ADGRE3: variants seen among roughly 807,000 people sequenced by gnomAD.
ADGRE3 encodes the protein EGF-like module receptor 3.
ADGRE3 carries 88 observed loss-of-function variants against 80.1 expected under a neutral mutation model. That is an observed-to-expected ratio of 1.10 (90% CI 0.93 to 1.31). The LOEUF (loss-of-function observed/expected upper bound fraction) is 1.31. ADGRE3 is among the 40% of genes most tolerant of loss of function. ADGRE3 has a pLI of 0.00. For synonymous variants in ADGRE3, 281 were observed against 294.8 expected, an observed-to-expected ratio of 0.95 and a Z score of 0.48; for missense variants, 715 against 776.5, an observed-to-expected ratio of 0.92 and a Z score of 0.94.
chr19:14,672,761 C>A (rs1484937979), intron 1 of ADGRE3, among the ~76,000 whole-genome samples: 1 of 152,082 alleles, frequency 6.6e-6, no homozygotes, highest in African/African-American at 2.4e-5. Flanking sequence ...AGGTGTGTGC[C>A]ACCATGACTG....
chr19:14,653,781 G>A (rs915893853), intron 6 of ADGRE3, among the ~76,000 whole-genome samples: 4 of 151,960 alleles, frequency 2.6e-5, no homozygotes, highest in African/African-American at 9.7e-5. Flanking sequence ...AGCCCAATGA[G>A]GTGAGGGCAC....
At position 14,641,488 on chromosome 19, in the gene ADGRE3, C is replaced by A. The variant is rs1176579234; in HGVS notation, c.1179G>T (p.Leu393=). ...AIRNTSTSLH[L]QLSLCLFLAH... is the part of the protein sequence containing the mutation. ...CCAGGAAGAGGCAGAGCGAGAGCTG[C>A]AGATGCAGTGAGGTGCTGGTGTTCC... is the stretch of plus-strand genomic sequence containing the variant. Residue 393 remains leucine, a synonymous_variant, in exon 10 of 16, where the codon CTG becomes CTT. Transcript: ENST00000253673. 4.3e-6 allele frequency: 7 copies of A among 1,613,788 alleles called. No individual in the cohort carries two copies. In the East Asian group the frequency reaches 1.6e-4, roughly 36 times the overall value.
At chr19:14,621,227 C>T (rs905813205) in intron 15 of ADGRE3, among the ~76,000 whole-genome samples, 20 of 151,860 alleles carry the variant, frequency 1.3e-4, no homozygotes, top group African/African-American at 4.6e-4. Flanking sequence ...CTGAGGCGGG[C>T]GGATCACTTG....
At position 14,663,451 on chromosome 19, in the gene ADGRE3, T is replaced by G; in HGVS notation, c.166A>C (p.Lys56Gln). The change falls in exon 3 of 16, where the codon AAA (lysine) becomes CAA (glutamine). Residue 56 changes from lysine to glutamine, a missense_variant. Transcript: ENST00000253673. ...GTCTCCAAGGGGAATGTGAATAGTT[T>G]CTGCCCAGATCCAGAAGTATATCCA... is the stretch of plus-strand genomic sequence containing the variant. ...NHGYTSGSGQ[K>Q]LFTFPLETCN... The G allele has an allele frequency of 6.2e-7, 1 of 1,612,730 alleles. No homozygotes were observed. The highest frequency in any genetic ancestry group is 1.1e-5 in the South Asian group (1 of 91,042).
downstream of ADGRE3, among the ~76,000 whole-genome samples, chr19:14,617,374 C>CTTTCTTTCTTTCTTTCTTTCT (rs755354639): frequency 1.0e-5 from 1 of 95,702 alleles, no homozygotes; most frequent in Admixed American, 1.3e-4. Flanking sequence ...TTCTTTCTTT[C>CTTTCTTTCTTTCTTTCTTTCT]TTCCTTTCTT....
intron 15 of ADGRE3, 133 bp downstream of exon 15, chr19:14,625,359 C>A: frequency 4.6e-6 from 3 of 650,730 alleles, no homozygotes; most frequent in Non-Finnish European, 8.3e-6. Flanking sequence ...TGTAACAAAC[C>A]TGCACATGTA....
chr19:14,647,415 T>A, intron 7 of ADGRE3, 50 bp from the exon 8 acceptor site: 1 of 1,194,668 alleles, frequency 8.4e-7, no homozygotes, highest in Non-Finnish European at 1.1e-6. Context: ...TCTTTCTTTT[T>A]TTTTTTTTTT....
chr19:14,607,455 G>C, the ADGRE3 span, among the ~76,000 whole-genome samples: 20 of 151,880 alleles, frequency 1.3e-4, no homozygotes, highest in Middle Eastern at 6.8e-3. Context: ...TGCCCGCCTT[G>C]GCCTCCCAAA....
At chr19:14,621,414 C>G (rs1271654784) in intron 15 of ADGRE3, among the ~76,000 whole-genome samples, 1 of 151,550 alleles carries the variant, frequency 6.6e-6, no homozygotes, top group Non-Finnish European at 1.5e-5. Context: ...GAGATTGCAC[C>G]ACTGTATTCT....
chr19:14,651,138 T>G lies in ADGRE3; in HGVS notation c.644A>C (p.Gln215Pro). 1 of 1,614,154 alleles carries G rather than the reference T, an allele frequency of 6.2e-7. No individual in the cohort carries two copies. Among genetic ancestry groups the G allele is most frequent in the South Asian group, 1.1e-5 (1 of 91,092 alleles). The change falls in exon 7 of 16, where the codon CAA becomes CCA. Residue 215 changes from glutamine to proline, a missense_variant. By Grantham distance (76) the Gln-to-Pro change is moderately conservative (BLOSUM62 -1). Transcript: ENST00000253673. ...GCAACGGATGTCCATTGAGTTCATT[T>G]GGACGTTCAAGTTGAATGTCTTTCT... is the stretch of plus-strand genomic sequence containing the variant. ...EERKTFNLNV[Q>P]MNSMDIRCSD...
intron 12 of ADGRE3, 30 bp from the exon 13 acceptor site, chr19:14,633,042 G>A (rs1239944282): frequency 1.3e-6 from 2 of 1,536,996 alleles, no homozygotes; most frequent in African/African-American, 1.4e-5. Flanking sequence ...AAGGCAGAGT[G>A]CAAGTTAAAG....
intron 8 of ADGRE3, among the ~76,000 whole-genome samples, chr19:14,646,749 T>G (rs1971419307): frequency 6.7e-6 from 1 of 149,158 alleles, no homozygotes. Flanking sequence ...TTTGTTTCTT[T>G]GTTTCTTTTC....
chr19:14,638,854 T>A (rs1420780911), intron 10 of ADGRE3, among the ~76,000 whole-genome samples: 1 of 152,206 alleles, frequency 6.6e-6, no homozygotes, highest in Non-Finnish European at 1.5e-5. Flanking sequence ...GCGTGGTGAC[T>A]ATAGTTAATA....
chr19:14,667,344 GTTT>G (rs141442018), intron 2 of ADGRE3, among the ~76,000 whole-genome samples: 206 of 139,632 alleles, frequency 1.5e-3, no homozygotes, highest in African/African-American at 5.1e-3. Flanking sequence ...CTTCTTTTCT[GTTT>G]TTTTTTTTTT....
At chr19:14,620,471 T>TGAATA (rs1455799921) in intron 15 of ADGRE3, among the ~76,000 whole-genome samples, 1 of 121,160 alleles carries the variant, frequency 8.3e-6, no homozygotes, top group African/African-American at 3.2e-5. Context: ...TATGAATATA[T>TGAATA]TATGAGTACA....
rs555516132 is a variant in ADGRE3, at chr19:14,662,574, C to T, written c.200-456G>A. On this transcript the variant is annotated intron_variant, in intron 3 of 15. Coordinates refer to ENST00000253673, the MANE Select transcript of ADGRE3 (RefSeq NM_032571.5). ...CTGATTTTTGTATTTTTAGTAGACA[C>T]GGGGTTTCACTATGTTGGCCAGGCT... Among the ~76,000 whole-genome samples, 5 of 152,054 alleles carry T rather than the reference C, an allele frequency of 3.3e-5. No individual in the cohort carries two copies. In the South Asian group the frequency reaches 6.2e-4, roughly 19 times the overall value.
chr19:14,609,573 C>T, the ADGRE3 span, among the ~76,000 whole-genome samples: 2 of 152,026 alleles, frequency 1.3e-5, no homozygotes, highest in South Asian at 2.1e-4. Flanking sequence ...CACGGTGGCT[C>T]GTGCCTGTAA....
At chr19:14,630,430 A>T (rs1026449418) in intron 13 of ADGRE3, among the ~76,000 whole-genome samples, 42 of 140,822 alleles carry the variant, frequency 3.0e-4, no homozygotes, top group Admixed American at 2.5e-3. Flanking sequence ...TATTTTTGAG[A>T]TGGAGTCTTG....
At chr19:14,636,045 C>CT (rs1971039282) in intron 11 of ADGRE3, among the ~76,000 whole-genome samples, 14 of 66,570 alleles carry the variant, frequency 2.1e-4, no homozygotes, top group Non-Finnish European at 3.2e-4. Flanking sequence ...TCCTTCCTTC[C>CT]TTCCTTCCTT....
Sources: allele counts gnomAD v4.1 joint callset (sites outside exome capture counted in the v4.1 genomes callset), GRCh38; gene constraint gnomAD v4.1.1; transcripts MANE v1.5; gene names NCBI Gene and HGNC (gene_info 2026-07-23, HGNC 2026-07-21).